The following HIVEP3 variants were observed in gnomAD, a reference collection of about 807,000 sequenced individuals.
HIVEP3 encodes the protein transcription factor HIVEP3.
HIVEP3 carries 49 observed loss-of-function variants against 152.8 expected under a neutral mutation model. The ratio of observed to expected loss-of-function variants is 0.32; its 90% CI spans 0.26 to 0.41. HIVEP3 has a LOEUF of 0.41. Ranked by LOEUF, HIVEP3 falls within the 10% of genes least tolerant of loss-of-function variation. HIVEP3 has a pLI of 1.00. For missense variants in HIVEP3, 2,790 were observed against 3,103.3 expected, an observed-to-expected ratio of 0.90 and a Z score of 2.40; for synonymous variants, 1,269 against 1,289.0, an observed-to-expected ratio of 0.98 and a Z score of 0.33.
At chr1:41,725,969 G>C (rs1306639920) in intron 1 of HIVEP3, among the ~76,000 whole-genome samples, 1 of 152,184 alleles carries the variant, frequency 6.6e-6, no homozygotes, top group Non-Finnish European at 1.5e-5. Context: ...GTAACCTGTA[G>C]TATGAATGAT....
intron 1 of HIVEP3, among the ~76,000 whole-genome samples, chr1:41,858,441 C>G (rs1643829809): frequency 6.6e-6 from 1 of 152,342 alleles, no homozygotes; most frequent in South Asian, 2.1e-4. Flanking sequence ...TGTCTATCTA[C>G]TTCTCAATCA....
At chr1:41,722,224 C>T (rs1225148870) in intron 1 of HIVEP3, among the ~76,000 whole-genome samples, 1 of 152,208 alleles carries the variant, frequency 6.6e-6, no homozygotes, top group Non-Finnish European at 1.5e-5. Flanking sequence ...ACTTGTCTTA[C>T]CTCCCTCCAG....
At chr1:42,034,953 C>CA (rs1313777993) in intron 1 of HIVEP3, among the ~76,000 whole-genome samples, 1 of 152,128 alleles carries the variant, frequency 6.6e-6, no homozygotes, top group East Asian at 1.9e-4. Context: ...ATCGCTCTCT[C>CA]ACCTTGGCCA....
At chr1:41,838,205 TC>T (rs1327252287) in intron 1 of HIVEP3, among the ~76,000 whole-genome samples, 1 of 152,102 alleles carries the variant, frequency 6.6e-6, no homozygotes, top group Non-Finnish European at 1.5e-5. Flanking sequence ...TCCCTCATTT[TC>T]CCCCAACGGT....
chr1:41,582,133 G>T lies in HIVEP3; in HGVS notation c.2665C>A (p.Arg889Ser). ...EKTEEFQWPQ[R>S]SQTLAQLPAE... ...GGGAGCTGGGCAAGTGTCTGGCTGC[G>T]CTGGGGCCATTGGAACTCCTCAGTC... The change falls in exon 4 of 9, where the codon CGC becomes AGC. Residue 889 changes from arginine to serine, a missense_variant. Transcript: ENST00000372583. This position sits in a 1 kb window ranked among gnomAD's most constrained non-coding sequence, Gnocchi z 4.7. 6.2e-7 allele frequency: 1 copy of T among 1,614,062 alleles called. No individual in the cohort carries two copies. Among genetic ancestry groups the T allele is most frequent in the Non-Finnish European group, 8.5e-7 (1 of 1,179,986 alleles).
At chr1:41,987,303 T>C (rs1038191053) in intron 1 of HIVEP3, among the ~76,000 whole-genome samples, 1 of 152,268 alleles carries the variant, frequency 6.6e-6, no homozygotes, top group African/African-American at 2.4e-5. Context: ...CAAACCACCA[T>C]GGCATATGTA....
intron 1 of HIVEP3, among the ~76,000 whole-genome samples, chr1:41,817,530 C>A (rs998815856): frequency 1.3e-5 from 2 of 152,082 alleles, no homozygotes; most frequent in African/African-American, 4.8e-5. Context: ...GGGATGTGGG[C>A]ACACTGAGGA....
rs546837244 is a variant in HIVEP3 at position 41,506,594 on chromosome 1, T to G, written c.*3857A>C. On this transcript the variant is annotated 3_prime_UTR_variant, in exon 9 of 9. Transcript: ENST00000372583. ...CTTTAGACCTGCGTGGATTTTTGTT[T>G]TTTTTTTTTGTTTGTTTCTGTTTTG... 11 of 64,798 alleles carry G rather than the reference T, an allele frequency of 1.7e-4. No individual in the cohort carries two copies. Among genetic ancestry groups the G allele is most frequent in the Admixed American group, 1.1e-3 (5 of 4,742 alleles). The allele number at this position is 64,798 out of a possible 1,614,324, so 4.0% of individuals were successfully genotyped here.
intron 7 of HIVEP3, among the ~76,000 whole-genome samples, chr1:41,516,537 G>GA (rs928998655): frequency 7.9e-5 from 12 of 152,116 alleles, no homozygotes; most frequent in African/African-American, 2.7e-4. Context: ...TCTCCCTCCG[G>GA]AACCTCCCCA....
chr1:41,681,856 TCTGA>T (rs1357976886), intron 2 of HIVEP3, among the ~76,000 whole-genome samples: 2 of 152,214 alleles, frequency 1.3e-5, no homozygotes, highest in Admixed American at 1.3e-4. Flanking sequence ...GGATGTTCTT[TCTGA>T]CTATGTGCAA....
chr1:41,676,780 C>G (rs1645963508), intron 2 of HIVEP3, among the ~76,000 whole-genome samples: 1 of 152,224 alleles, frequency 6.6e-6, no homozygotes, highest in African/African-American at 2.4e-5. Context: ...GAGGGGCAAC[C>G]TGTTTGGCCA....
At chr1:41,805,845 C>G (rs1442587635) in intron 1 of HIVEP3, among the ~76,000 whole-genome samples, 1 of 152,158 alleles carries the variant, frequency 6.6e-6, no homozygotes, top group Admixed American at 6.5e-5. Flanking sequence ...TTTTGGGGGT[C>G]TGATTTGTGT....
At chr1:41,858,760 T>C (rs1247440223) in intron 1 of HIVEP3, among the ~76,000 whole-genome samples, 2 of 152,098 alleles carry the variant, frequency 1.3e-5, no homozygotes, top group Non-Finnish European at 2.9e-5. Context: ...TGTTAAGTGA[T>C]GGAGAATGTC....
At chr1:41,763,139 A>G (rs1397326919) in intron 1 of HIVEP3, among the ~76,000 whole-genome samples, 2 of 152,168 alleles carry the variant, frequency 1.3e-5, no homozygotes, top group Non-Finnish European at 2.9e-5. Context: ...CCCATCAAAT[A>G]ACAAAGGGGT....
At chr1:41,875,145 G>C (rs185348576) in intron 1 of HIVEP3, among the ~76,000 whole-genome samples, 2 of 152,350 alleles carry the variant, frequency 1.3e-5, no homozygotes, top group Admixed American at 6.5e-5. Flanking sequence ...CCTGGCTGCT[G>C]CCTGCAATGC....
At chr1:42,011,050 T>C (rs1351006111) in intron 1 of HIVEP3, among the ~76,000 whole-genome samples, 1 of 152,230 alleles carries the variant, frequency 6.6e-6, no homozygotes, top group African/African-American at 2.4e-5. Context: ...CTAGCTTGTC[T>C]TGATGAAATA....
upstream of HIVEP3, among the ~76,000 whole-genome samples, chr1:41,921,896 C>G (rs1644943584): frequency 6.6e-6 from 1 of 151,992 alleles, no homozygotes; most frequent in Admixed American, 6.6e-5. Flanking sequence ...TGCCACTGCT[C>G]TTCCCCAAAA....
chr1:41,981,661 T>C (rs752365452), intron 1 of HIVEP3, among the ~76,000 whole-genome samples: 7 of 152,046 alleles, frequency 4.6e-5, no homozygotes, highest in Non-Finnish European at 1.0e-4. Flanking sequence ...AGAATGAGGG[T>C]TGATAAGAGA....
At chr1:41,526,593 ACCCTTACACCTGCTCCCACCCCCACCTT>A (rs1642933897) in intron 5 of HIVEP3, among the ~76,000 whole-genome samples, 2 of 13,756 alleles carry the variant, frequency 1.5e-4, no homozygotes, top group Non-Finnish European at 2.5e-4. Context: ...CCACACTCAC[ACCCTTACACCTGCTCCCACCCCCACCTT>A]CACCCTCACA....
Sources: gnomAD v4.1 joint callset for allele counts (sites outside exome capture counted in the v4.1 genomes callset) on GRCh38, gnomAD v4.1.1 for gene constraint, Gnocchi (gnomAD v3.1) non-coding constraint, MANE v1.5 for transcripts, NCBI Gene and HGNC (gene_info 2026-07-23, HGNC 2026-07-21) for gene names.